The following GCNT1 variants were observed in gnomAD, a reference collection of about 807,000 sequenced individuals.
The protein encoded by GCNT1 is glucosaminyl (N-acetyl) transferase 1, also known as beta-1,3-galactosyl-O-glycosyl-glycoprotein beta-1,6-N-acetylglucosaminyltransferase.
GCNT1 carries 16 observed loss-of-function variants against 26.2 expected under a neutral mutation model. The observed-to-expected ratio is 0.61, with a 90% CI of 0.41 to 0.93. GCNT1 has a LOEUF of 0.93. GCNT1 is among the 40% of genes least tolerant of loss of function. The pLI is 0.00. For missense variants in GCNT1, 477 were observed against 526.7 expected (o/e 0.91, Z 0.92); for synonymous variants, 183 against 190.8 (o/e 0.96, Z 0.34).
chr9:76,413,657 T>G, the GCNT1 span, among the ~76,000 whole-genome samples: 1 of 106,600 alleles, frequency 9.4e-6, no homozygotes, highest in Non-Finnish European at 2.0e-5. Flanking sequence ...TGTTTTGTTT[T>G]TTTTTTTTTT....
chr9:76,461,318 C>A (rs1319584453), intron 2 of GCNT1, among the ~76,000 whole-genome samples: 1 of 151,498 alleles, frequency 6.6e-6, no homozygotes, highest in Admixed American at 6.6e-5. Context: ...GAGGGCCGGG[C>A]GCAGTGGCTC....
At chr9:76,411,697 C>CTTTTTTTTT in the GCNT1 span, among the ~76,000 whole-genome samples, 6 of 83,648 alleles carry the variant, frequency 7.2e-5, no homozygotes, top group African/African-American at 1.0e-4. Context: ...ATCAATTATA[C>CTTTTTTTTT]TTTTTTTTTT....
the GCNT1 span, among the ~76,000 whole-genome samples, chr9:76,407,072 C>G: frequency 6.6e-6 from 1 of 151,904 alleles, no homozygotes; most frequent in Non-Finnish European, 1.5e-5. Flanking sequence ...TTCCCATACA[C>G]AAGGTCATCT....
chr9:76,504,757 G>T lies in GCNT1; in HGVS notation c.*1089G>T, dbSNP rs1206438436. 3 of 413,312 alleles carry T rather than the reference G, an allele frequency of 7.3e-6. No individual in the cohort carries two copies. Among genetic ancestry groups the T allele is most frequent in the Non-Finnish European group, 1.3e-5 (3 of 226,132 alleles). The allele number at this position is 413,312 out of a possible 1,614,324, so 25.6% of individuals were successfully genotyped here. A position where few individuals can be genotyped will look rare whatever the true frequency, so the allele number is the denominator to read the frequency against. ...CCTAATGTCACCTGTATATTCATTT[G>T]AAAGGACTTGGCCCTGTTCTTGGGT... On this transcript the variant is annotated 3_prime_UTR_variant, in exon 4 of 4. Transcript: ENST00000376730.
chr9:76,450,287 A>T (rs1823643842), intron 1 of GCNT1, among the ~76,000 whole-genome samples: 1 of 152,174 alleles, frequency 6.6e-6, no homozygotes, highest in Admixed American at 6.5e-5. Flanking sequence ...ATTCCCTTAT[A>T]GCATATGCGT....
intron 2 of GCNT1, among the ~76,000 whole-genome samples, chr9:76,484,860 G>C (rs1236517646): frequency 1.3e-5 from 2 of 149,124 alleles, no homozygotes; most frequent in Non-Finnish European, 3.0e-5. Flanking sequence ...ACCATTTTGG[G>C]TCACTGCAAC....
In GCNT1 at chr9:76,502,393, G is replaced by A. The variant is rs555006203; in HGVS notation, c.12G>A (p.Thr4=). MLR[T]LLRRRLFSYP... ...GATTATTGTTTGAAATGCTGAGGAC[G>A]TTGCTGCGAAGGAGACTTTTTTCTT... Residue 4 remains threonine (T), a synonymous_variant, in exon 4 of 4, where the codon ACG becomes ACA. Coordinates refer to ENST00000376730, the MANE Select transcript of GCNT1 (RefSeq NM_001490.5). 2.1e-5 allele frequency: 34 copies of A among 1,609,868 alleles called. No homozygotes were observed. Among genetic ancestry groups the A allele is most frequent in the African/African-American group, 1.1e-4 (8 of 74,822 alleles).
chr9:76,440,114 A>G (rs112607009), upstream of GCNT1, among the ~76,000 whole-genome samples: 13,213 of 151,788 alleles, frequency 0.087, 869 homozygotes, highest in African/African-American at 0.18. Context: ...TAAAAAAAAA[A>G]AAAAAGAAAA....
chr9:76,491,295 G>T (rs1824731020), intron 2 of GCNT1, among the ~76,000 whole-genome samples: 1 of 151,782 alleles, frequency 6.6e-6, no homozygotes, highest in African/African-American at 2.4e-5. Context: ...AGCTGCTTAT[G>T]CTGCTGTTCT....
At chr9:76,477,148 C>T (rs1386147275) in intron 2 of GCNT1, among the ~76,000 whole-genome samples, 1 of 151,748 alleles carries the variant, frequency 6.6e-6, no homozygotes, top group Admixed American at 6.6e-5. Context: ...ATCCTTGCCT[C>T]ATGTGATCTG....
upstream of GCNT1, among the ~76,000 whole-genome samples, chr9:76,418,495 A>G (rs1274852972): frequency 1.3e-5 from 2 of 152,208 alleles, no homozygotes; most frequent in Non-Finnish European, 2.9e-5. Flanking sequence ...GAGGGGGTCT[A>G]TTCAGACGGT....
chr9:76,504,525 A>G lies in GCNT1; in HGVS notation c.*857A>G. 1 of 380,626 alleles carries G rather than the reference A, an allele frequency of 2.6e-6. No individual in the cohort carries two copies. The highest frequency in any genetic ancestry group is 4.9e-6 in the Non-Finnish European group (1 of 205,718). 23.6% of individuals were successfully genotyped at this position (380,626 alleles called of 1,614,324 possible). ...TGGACCCTAAATTATTGTCTCTGCTATCTGACTGCCAGTAATTAGTGCAGA... is the reference window on the plus strand; with the variant it reads ...TGGACCCTAAATTATTGTCTCTGCTGTCTGACTGCCAGTAATTAGTGCAGA... On this transcript the variant is annotated 3_prime_UTR_variant, in exon 4 of 4. Coordinates refer to ENST00000376730, the MANE Select transcript of GCNT1 (RefSeq NM_001490.5).
upstream of GCNT1, among the ~76,000 whole-genome samples, chr9:76,454,337 C>A (rs1300918653): frequency 7.0e-6 from 1 of 142,972 alleles, no homozygotes; most frequent in Non-Finnish European, 1.5e-5. Context: ...GATTGCACCA[C>A]CATTGTACTC....
chr9:76,409,122 C>A, the GCNT1 span, among the ~76,000 whole-genome samples: 1 of 152,070 alleles, frequency 6.6e-6, no homozygotes, highest in Non-Finnish European at 1.5e-5. Flanking sequence ...TGTTCAATTT[C>A]TTTAATAAAT....
At chr9:76,496,122 C>G (rs1310606998) in intron 2 of GCNT1, among the ~76,000 whole-genome samples, 1 of 152,238 alleles carries the variant, frequency 6.6e-6, no homozygotes, top group Non-Finnish European at 1.5e-5. Context: ...TTCACTGTGC[C>G]TGGGTCCTAC....
At chr9:76,450,400 G>A (rs936970038) in intron 1 of GCNT1, among the ~76,000 whole-genome samples, 4 of 151,982 alleles carry the variant, frequency 2.6e-5, no homozygotes, top group Non-Finnish European at 5.9e-5. Flanking sequence ...ACAGTGTTTC[G>A]ATTCTGAAAT....
the GCNT1 span, among the ~76,000 whole-genome samples, chr9:76,406,971 G>A: frequency 1.3e-5 from 2 of 152,050 alleles, no homozygotes; most frequent in Non-Finnish European, 2.9e-5. Flanking sequence ...AACCCCAGAG[G>A]CAGAGGTTGC....
chr9:76,481,130 C>A (rs1422788693), intron 2 of GCNT1, among the ~76,000 whole-genome samples: 2 of 152,028 alleles, frequency 1.3e-5, no homozygotes, highest in Admixed American at 1.3e-4. Flanking sequence ...CCCAGCTACT[C>A]AGGAGGCTGA....
chr9:76,452,705 G>A (rs1052978164), intron 1 of GCNT1, among the ~76,000 whole-genome samples: 6 of 152,164 alleles, frequency 3.9e-5, no homozygotes, highest in African/African-American at 4.8e-5. Flanking sequence ...ATTAGAAACC[G>A]CCTCCAGGAT....
Sources: allele counts gnomAD v4.1 joint callset (sites outside exome capture counted in the v4.1 genomes callset), GRCh38; gene constraint gnomAD v4.1.1; transcripts MANE v1.5; gene names NCBI Gene and HGNC (gene_info 2026-07-23, HGNC 2026-07-21).